PEG3: variants seen among roughly 807,000 people sequenced by gnomAD.
PEG3 encodes paternally-expressed gene 3 protein.
A neutral mutation model predicts 35.5 loss-of-function variants in PEG3; 23 were observed. The observed-to-expected ratio is 0.65, with a 90% confidence interval of 0.47 to 0.92. The LOEUF (loss-of-function observed/expected upper bound fraction) is 0.92. Among genes scored for constraint, PEG3 ranks in the 40% least tolerant of loss-of-function variants. PEG3 has a pLI of 0.00. For missense variants in PEG3, 1,960 were observed against 1,985.3 expected, an observed-to-expected ratio of 0.99 and a Z score of 0.24; for synonymous variants, 707 against 697.0, an observed-to-expected ratio of 1.01 and a Z score of -0.23.
At chr19:56,839,316 T>G (rs2062663013) in intron 1 of PEG3, among the ~76,000 whole-genome samples, 3 of 129,602 alleles carry the variant, frequency 2.3e-5, no homozygotes. Context: ...TATCCAATGC[T>G]ACACAGTCAC....
At chr19:56,827,820 G>A (rs1183824857) in intron 2 of PEG3, among the ~76,000 whole-genome samples, 1 of 152,124 alleles carries the variant, frequency 6.6e-6, no homozygotes, top group African/African-American at 2.4e-5. Flanking sequence ...ACCGGACACA[G>A]CACTGTATAC....
chr19:56,827,638 T>A (rs2061174230), intron 2 of PEG3, among the ~76,000 whole-genome samples: 1 of 152,230 alleles, frequency 6.6e-6, no homozygotes, highest in African/African-American at 2.4e-5. Flanking sequence ...TCTACTTCTA[T>A]GAATTTACCT....
At position 56,822,847 on chromosome 19, in the gene PEG3, G is replaced by A. The variant is rs200229051; in HGVS notation, c.482-11C>T. The A allele has an allele frequency of 4.2e-5, 67 of 1,611,762 alleles. No homozygotes were observed. The highest frequency in any genetic ancestry group is 5.5e-5 in the Non-Finnish European group (65 of 1,179,064). ...CCCAGTCCCGGTCACCTAAGCAGGT[G>A]AGACATTCCAGTGGTTAACAAAGCT... On this transcript the variant is annotated splice_polypyrimidine_tract_variant and intron_variant, in intron 5 of 9. Coordinates refer to ENST00000326441, the MANE Select transcript of PEG3 (RefSeq NM_006210.3).
At chr19:56,829,705 C>A (rs1263971864) in intron 2 of PEG3, among the ~76,000 whole-genome samples, 2 of 152,230 alleles carry the variant, frequency 1.3e-5, no homozygotes, top group Non-Finnish European at 2.9e-5. Context: ...TTCAACCCGT[C>A]CTCTACTTGC....
Position 56,815,219 on chromosome 19 carries a change from T to TGTGGGTCTCCTCCCC in PEG3, c.3208_3222dup (p.Gly1070_His1074dup). The TGTGGGTCTCCTCCCC allele has an allele frequency of 6.2e-7, 1 of 1,613,968 alleles. No homozygotes were observed. The highest frequency in any genetic ancestry group is 8.5e-7 in the Non-Finnish European group (1 of 1,179,848). ...GTCTCCTGACCATGGGTCTCCTCGC[T>TGTGGGTCTCCTCCCC]GTGGGTCTCCTCCCCATCAGTATTC... On this transcript the variant is annotated inframe_insertion, in exon 10 of 10. Transcript: ENST00000326441.
rs1275754901 is a variant in PEG3 at position 56,811,079 on chromosome 19, C to T, written c.*2596G>A. The T allele has an allele frequency of 1.0e-6, 1 of 984,640 alleles. No homozygotes were observed. The highest frequency in any genetic ancestry group is 1.7e-5 in the African/African-American group (1 of 57,194). The allele number at this position is 984,640 out of a possible 1,614,324, so 61.0% of individuals were successfully genotyped here. On this transcript the variant is annotated 3_prime_UTR_variant, in exon 10 of 10. Coordinates refer to ENST00000326441, the MANE Select transcript of PEG3 (RefSeq NM_006210.3). The stretch of plus-strand genomic sequence containing the variant: ...AACAAGATAAGAGGAGAGTATATGT[C>T]TTTGGATGGTGGGGATATGATTTTT...
chr19:56,823,818 C>A, intron 4 of PEG3, 139 bp from the exon 5 acceptor site: 1 of 1,021,098 alleles, frequency 9.8e-7, no homozygotes, highest in Admixed American at 2.0e-5. Flanking sequence ...GAGTTCAAAA[C>A]CCTTCAGCGG....
intron 1 of PEG3, among the ~76,000 whole-genome samples, chr19:56,836,419 G>A (rs1340234068): frequency 3.9e-5 from 6 of 152,090 alleles, no homozygotes; most frequent in African/African-American, 1.4e-4. Flanking sequence ...CATTTTTGGC[G>A]CTGGCCGTCC....
chr19:56,836,430 C>G (rs1229184396), intron 1 of PEG3, among the ~76,000 whole-genome samples: 1 of 152,150 alleles, frequency 6.6e-6, no homozygotes, highest in Non-Finnish European at 1.5e-5. Context: ...CTGGCCGTCC[C>G]CATGTTAGGA....
In PEG3 at chr19:56,813,662, T is replaced by C; in HGVS notation, c.*13A>G. On this transcript the variant is annotated 3_prime_UTR_variant, in exon 10 of 10. Coordinates refer to ENST00000326441, the MANE Select transcript of PEG3 (RefSeq NM_006210.3). ...GTCCTAGGTGAAGGTTTTCTAACCT[T>C]TACCCCATGCCCTCAGCCAGTGTGG... is the stretch of plus-strand genomic sequence containing the variant. The C allele has an allele frequency of 6.2e-7, 1 of 1,606,646 alleles. No individual in the cohort carries two copies. Among genetic ancestry groups the C allele is most frequent in the Non-Finnish European group, 8.5e-7 (1 of 1,174,734 alleles).
rs183365331 is a variant in PEG3 at position 56,825,409 on chromosome 19, C to T, written c.-86-668G>A. On this transcript the variant is annotated intron_variant, in intron 3 of 9. Coordinates refer to ENST00000326441, the MANE Select transcript of PEG3 (RefSeq NM_006210.3). ...TGCCTTCATCAATCTTGACAAAGGT[C>T]TAATCTGTCTAAAAGAACCGGCTTT... 1.9e-3 allele frequency among the ~76,000 whole-genome samples: 292 copies of T among 152,364 alleles called. 1 individual carries two copies. Among genetic ancestry groups the T allele is most frequent in the African/African-American group, 6.9e-3 (285 of 41,590 alleles).
Position 56,814,627 on chromosome 19 carries a change from A to C in PEG3, c.3815T>G (p.Phe1272Cys). ...AIIPGLALTE[F>C]QRSQTEERLF... Reference sequence around the variant, plus strand: ...TCTCTCTTCGGTCTGACTTCTCTGAAACTCAGTGAGGGCTAAGCCTGGAAT... The same window carrying C: ...TCTCTCTTCGGTCTGACTTCTCTGACACTCAGTGAGGGCTAAGCCTGGAAT... Residue 1272 changes from phenylalanine (F) to cysteine (C), a missense_variant, in exon 10 of 10, where the codon TTT (phenylalanine) becomes TGT (cysteine). By Grantham distance (205) the Phe-to-Cys change is radical. Around this residue, in one of 5 missense-constraint regions of PEG3, gnomAD observed 416 missense variants for 416.7 expected, o/e 1.00. Coordinates refer to ENST00000326441, the MANE Select transcript of PEG3 (RefSeq NM_006210.3). The surrounding 1 kb of genome is among the most constrained non-coding windows in gnomAD (Gnocchi z 5.8). 1 of 1,614,102 alleles carries C rather than the reference A, an allele frequency of 6.2e-7. No individual in the cohort carries two copies. The highest frequency in any genetic ancestry group is 8.5e-7 in the Non-Finnish European group (1 of 1,179,988).
rs146733496 is a variant in PEG3, at chr19:56,811,311, G to A, written c.*2364C>T. ...ATATATATTTTTAAACAGTTATAATGAACTGTTTAAATGAACTGTTAAATG... is the reference window on the plus strand; with the variant it reads ...ATATATATTTTTAAACAGTTATAATAAACTGTTTAAATGAACTGTTAAATG... On this transcript the variant is annotated 3_prime_UTR_variant, in exon 10 of 10. Coordinates refer to ENST00000326441, the MANE Select transcript of PEG3 (RefSeq NM_006210.3). 1.4e-4 allele frequency: 126 copies of A among 901,402 alleles called. 1 individual carries two copies. In the East Asian group the frequency reaches 0.013, roughly 94 times the overall value. The allele number at this position is 901,402 out of a possible 1,614,324, so 55.8% of individuals were successfully genotyped here.
Position 56,818,165 on chromosome 19 carries a change from C to T in PEG3, c.773-330G>A, listed in dbSNP as rs115743577. On this transcript the variant is annotated intron_variant, in intron 8 of 9. Coordinates refer to ENST00000326441, the MANE Select transcript of PEG3 (RefSeq NM_006210.3). ...CACTGGCCTTCTTCCTCTTACCTCG[C>T]GACTGCTCTTCCTCCACCCACTCCC... Among the ~76,000 whole-genome samples, 461 of 152,276 alleles carry T rather than the reference C, an allele frequency of 3.0e-3. 2 individuals carry two copies. Among genetic ancestry groups the T allele is most frequent in the African/African-American group, 0.01 (425 of 41,554 alleles).
At position 56,812,802 on chromosome 19, in the gene PEG3, C is replaced by T. The variant is rs750542398; in HGVS notation, c.*873G>A. 292 of 959,568 alleles carry T rather than the reference C, an allele frequency of 3.0e-4. No homozygotes were observed. The highest frequency in any genetic ancestry group is 3.3e-4 in the Non-Finnish European group (267 of 818,716). 59.4% of individuals were successfully genotyped at this position (959,568 alleles called of 1,614,324 possible). A position where few individuals can be genotyped will look rare whatever the true frequency, so the allele number is the denominator to read the frequency against. ...GTTTTATCAATTCACTATCATCAAA[C>T]ACATATTGAGTTGGTTAAAAAAAAA... On this transcript the variant is annotated 3_prime_UTR_variant, in exon 10 of 10. Coordinates refer to ENST00000326441, the MANE Select transcript of PEG3 (RefSeq NM_006210.3).
At chr19:56,834,372 G>A (rs1395350868) in intron 2 of PEG3, among the ~76,000 whole-genome samples, 2 of 152,132 alleles carry the variant, frequency 1.3e-5, no homozygotes, top group African/African-American at 2.4e-5. Context: ...ACAAACCAGC[G>A]CTATTAAAGC....
At chr19:56,824,786 C>T in intron 3 of PEG3, 45 bp from the exon 4 acceptor site, 9 of 889,982 alleles carry the variant, frequency 1.0e-5, no homozygotes, top group Non-Finnish European at 1.0e-5. Context: ...AAGTTGAAGA[C>T]CAGGCAGCAG....
Position 56,813,983 on chromosome 19 carries a change from T to C in PEG3, c.4459A>G (p.Ile1487Val). 1 of 1,614,100 alleles carries C rather than the reference T, an allele frequency of 6.2e-7. No homozygotes were observed. Among genetic ancestry groups the C allele is most frequent in the Non-Finnish European group, 8.5e-7 (1 of 1,179,946 alleles). Reference protein sequence around the residue: ...GDADEPDGVGIEDPEEGEDQE... With the variant: ...GDADEPDGVGVEDPEEGEDQE... ...TCTTCACCTTCTTCTGGGTCTTCAA[T>C]TCCCACACCGTCAGGCTCGTCGGCA... The change falls in exon 10 of 10, where the codon ATT becomes GTT. Residue 1487 changes from isoleucine (I) to valine (V), a missense_variant. This residue lies in a region of PEG3 where 416 missense variants were observed against 416.7 expected (regional missense o/e 1.00). Transcript: ENST00000326441.
rs966323343 is a variant in PEG3 at position 56,816,800 on chromosome 19, G to A, written c.1642C>T (p.Pro548Ser). The A allele has an allele frequency of 3.1e-6, 5 of 1,614,064 alleles. No individual in the cohort carries two copies. Among genetic ancestry groups the A allele is most frequent in the Non-Finnish European group, 3.4e-6 (4 of 1,179,996 alleles). ...ATTTTCTGAAGCTCACTAAAGGTGGGGCTAGGCATGAAGGCTTCCTCACAT... is the reference window on the plus strand; with the variant it reads ...ATTTTCTGAAGCTCACTAAAGGTGGAGCTAGGCATGAAGGCTTCCTCACAT... ...QECEEAFMPS[P>S]TFSELQKIYG... The change falls in exon 10 of 10, where the codon CCC becomes TCC. Residue 548 changes from proline (P) to serine (S), a missense_variant. Transcript: ENST00000326441.
Sources: allele counts gnomAD v4.1 joint callset (sites outside exome capture counted in the v4.1 genomes callset), GRCh38; gene constraint gnomAD v4.1.1; regional missense constraint gnomAD v4.1.1; non-coding constraint Gnocchi (gnomAD v3.1); transcripts MANE v1.5; gene names NCBI Gene and HGNC (gene_info 2026-07-23, HGNC 2026-07-21).